KREMEN1: variants seen among roughly 807,000 people sequenced by gnomAD.
KREMEN1 encodes the protein kremen protein 1.
In KREMEN1, 30 loss-of-function variants were observed where a neutral mutation model predicts 46.5. That is an observed-to-expected ratio of 0.65 (90% CI 0.48 to 0.88). The LOEUF (loss-of-function observed/expected upper bound fraction) is 0.88. Ranked by LOEUF, KREMEN1 falls within the 40% of genes least tolerant of loss-of-function variation. The pLI is 0.00. For missense variants in KREMEN1, 533 were observed against 596.9 expected (o/e 0.89, Z 1.11); for synonymous variants, 214 against 230.6 (o/e 0.93, Z 0.65).
intron 1 of KREMEN1, among the ~76,000 whole-genome samples, chr22:29,076,378 A>G (rs2037570023): frequency 6.6e-6 from 1 of 152,152 alleles, no homozygotes; most frequent in African/African-American, 2.4e-5. Flanking sequence ...TCTCTTGGGG[A>G]CTTCATTAAT....
chr22:29,125,343 C>A lies in KREMEN1; in HGVS notation c.558C>A (p.Thr186=), dbSNP rs368284178. The change falls in exon 5 of 9, where the codon ACC becomes ACA. Residue 186 remains threonine, a synonymous_variant. Coordinates refer to ENST00000400335, the MANE Select transcript of KREMEN1 (RefSeq NM_001039570.3). ...GGAAGTACGGGGAGGCAGCCAGTAC[C>A]GAATGCAACAGCGTCTGCTTCGGGG... ...DYWKYGEAAS[T]ECNSVCFGDH... is the part of the protein sequence containing the mutation. 16 of 1,614,154 alleles carry A rather than the reference C, an allele frequency of 9.9e-6. No homozygotes were observed. In the African/African-American group the frequency reaches 1.5e-4, roughly 15 times the overall value.
chr22:29,135,575 G>T (rs972490539), intron 5 of KREMEN1, among the ~76,000 whole-genome samples: 1 of 152,204 alleles, frequency 6.6e-6, no homozygotes, highest in Non-Finnish European at 1.5e-5. Flanking sequence ...GGGGGACTGT[G>T]GTCTGCTGGC....
intron 2 of KREMEN1, among the ~76,000 whole-genome samples, chr22:29,096,418 C>A (rs1357064050): frequency 6.6e-6 from 1 of 152,052 alleles, no homozygotes; most frequent in African/African-American, 2.4e-5. Context: ...AAAAATTTTT[C>A]TTTCTTGTGG....
chr22:29,084,537 G>A (rs2037702953), intron 1 of KREMEN1, among the ~76,000 whole-genome samples: 1 of 152,186 alleles, frequency 6.6e-6, no homozygotes, highest in Non-Finnish European at 1.5e-5. Context: ...TTTCCAGGGG[G>A]CCCTGCCTGG....
chr22:29,073,902 A>G lies in KREMEN1; in HGVS notation c.97+675A>G, dbSNP rs528151810. ...CTTGCACCGGGACGACTCCCCCGCT[A>G]CAAGAGGCTATACGCCCCTCTCCGA... On this transcript the variant is annotated intron_variant, in intron 1 of 8. Coordinates refer to ENST00000400335, the MANE Select transcript of KREMEN1 (RefSeq NM_001039570.3). This position sits in a 1 kb window ranked among gnomAD's most constrained non-coding sequence, Gnocchi z 4.4. Among the ~76,000 whole-genome samples, 20 of 151,820 alleles carry G rather than the reference A, an allele frequency of 1.3e-4. No homozygotes were observed. The highest frequency in any genetic ancestry group is 8.3e-4 in the South Asian group (4 of 4,808).
chr22:29,145,254 G>T lies in KREMEN1; in HGVS notation c.*3142G>T, dbSNP rs1033382130. On this transcript the variant is annotated 3_prime_UTR_variant, in exon 9 of 9. Transcript: ENST00000400335. Reference sequence around the variant, plus strand: ...GGAAACTCCTTAGATGAGATAAAGTGGGGGTTGGAGGTGGCGAAAAGAGGG... The same window carrying T: ...GGAAACTCCTTAGATGAGATAAAGTTGGGGTTGGAGGTGGCGAAAAGAGGG... The T allele has an allele frequency of 1.0e-6, 1 of 985,588 alleles. No individual in the cohort carries two copies. The highest frequency in any genetic ancestry group is 1.2e-6 in the Non-Finnish European group (1 of 829,990). The allele number at this position is 985,588 out of a possible 1,614,324, so 61.1% of individuals were successfully genotyped here.
At chr22:29,084,044 A>G (rs2037696589) in intron 1 of KREMEN1, among the ~76,000 whole-genome samples, 1 of 152,126 alleles carries the variant, frequency 6.6e-6, no homozygotes, top group South Asian at 2.1e-4. Flanking sequence ...AGGTCCCGGA[A>G]CTGAGGGATC....
chr22:29,073,295 C>G lies in KREMEN1; in HGVS notation c.97+68C>G, dbSNP rs907287567. On this transcript the variant is annotated intron_variant, in intron 1 of 8. Coordinates refer to ENST00000400335, the MANE Select transcript of KREMEN1 (RefSeq NM_001039570.3). The surrounding 1 kb of genome is among the most constrained non-coding windows in gnomAD (Gnocchi z 4.4). ...CACTCGAGGGGCGACAAGGGCCGGC[C>G]GGCCTGAGAGCCCCCTCCCTCCCGC... 1.6e-6 allele frequency: 1 copy of G among 639,668 alleles called. No homozygotes were observed. The highest frequency in any genetic ancestry group is 2.1e-6 in the Non-Finnish European group (1 of 475,256). 39.6% of individuals were successfully genotyped at this position (639,668 alleles called of 1,614,324 possible).
At chr22:29,088,335 A>ACACG (rs1432357152) in intron 1 of KREMEN1, among the ~76,000 whole-genome samples, 4 of 148,774 alleles carry the variant, frequency 2.7e-5, no homozygotes, top group Admixed American at 2.7e-4. Flanking sequence ...ACACACGCAC[A>ACACG]CACATATTTT....
At chr22:29,085,814 T>TA (rs2037719411) in intron 1 of KREMEN1, among the ~76,000 whole-genome samples, 1 of 151,964 alleles carries the variant, frequency 6.6e-6, no homozygotes, top group Non-Finnish European at 1.5e-5. Context: ...CTACAAAAAA[T>TA]TAAAAAATTA....
Position 29,141,875 on chromosome 22 carries a change from T to C in KREMEN1, c.1209-69T>C, listed in dbSNP as rs993757134. The C allele has an allele frequency of 2.8e-5, 35 of 1,265,298 alleles. No individual in the cohort carries two copies. The South Asian group carries it at 5.1e-4, about 18-fold the overall frequency. 78.4% of individuals were successfully genotyped at this position (1,265,298 alleles called of 1,614,324 possible). A position where few individuals can be genotyped will look rare whatever the true frequency, so the allele number is the denominator to read the frequency against. Reference sequence around the variant, plus strand: ...GCCCCACCCCATTTCATAGATACAGTATCTCGTGAGATGGTAGGTTGTTTG... The same window carrying C: ...GCCCCACCCCATTTCATAGATACAGCATCTCGTGAGATGGTAGGTTGTTTG... On this transcript the variant is annotated intron_variant, in intron 8 of 8. Coordinates refer to ENST00000400335, the MANE Select transcript of KREMEN1 (RefSeq NM_001039570.3).
At chr22:29,092,545 C>A (rs143655679) in intron 1 of KREMEN1, among the ~76,000 whole-genome samples, 6 of 152,330 alleles carry the variant, frequency 3.9e-5, no homozygotes, top group African/African-American at 1.4e-4. Flanking sequence ...GCATTTTATG[C>A]GACACTGAAC....
At chr22:29,157,816 A>G (rs1276272372) in intron 9 of KREMEN1, among the ~76,000 whole-genome samples, 1 of 152,188 alleles carries the variant, frequency 6.6e-6, no homozygotes, top group Non-Finnish European at 1.5e-5. Flanking sequence ...TCTAAGGGAG[A>G]CTACAAAGTA....
rs1569338295 is a variant in KREMEN1, at chr22:29,144,643, G to A, written c.*2531G>A. The A allele has an allele frequency of 3.0e-6, 3 of 985,506 alleles. No homozygotes were observed. In the East Asian group the frequency reaches 3.4e-4, roughly 112 times the overall value. The allele number at this position is 985,506 out of a possible 1,614,324, so 61.0% of individuals were successfully genotyped here. On this transcript the variant is annotated 3_prime_UTR_variant, in exon 9 of 9. Coordinates refer to ENST00000400335, the MANE Select transcript of KREMEN1 (RefSeq NM_001039570.3). ...GTGTCAGGTGTGTGTCGTCCCAACG[G>A]GTCCTGTGCTGTGAATAGATCCATG...
In KREMEN1 at chr22:29,142,656, G is replaced by A; in HGVS notation, c.*544G>A. The A allele has an allele frequency of 1.0e-6, 1 of 985,564 alleles. No individual in the cohort carries two copies. The highest frequency in any genetic ancestry group is 1.2e-6 in the Non-Finnish European group (1 of 830,014). 61.1% of individuals were successfully genotyped at this position (985,564 alleles called of 1,614,324 possible). ...ACATTAGCGAGGTGTAAAGAGGGCA[G>A]TGTCTGTGCTGCCCCGGCAGCTTTG... On this transcript the variant is annotated 3_prime_UTR_variant, in exon 9 of 9. Coordinates refer to ENST00000400335, the MANE Select transcript of KREMEN1 (RefSeq NM_001039570.3).
At chr22:29,090,167 A>G (rs1284850839) in intron 1 of KREMEN1, among the ~76,000 whole-genome samples, 6 of 152,264 alleles carry the variant, frequency 3.9e-5, no homozygotes, top group Non-Finnish European at 7.3e-5. Context: ...CCTAGACATT[A>G]GATCTCTTGC....
intron 4 of KREMEN1, among the ~76,000 whole-genome samples, chr22:29,123,952 A>G (rs2038399228): frequency 6.6e-6 from 1 of 152,220 alleles, no homozygotes; most frequent in South Asian, 2.1e-4. Context: ...ATACAGAGCA[A>G]CTGGGACTTT....
chr22:29,144,095 C>A lies in KREMEN1; in HGVS notation c.*1983C>A. The A allele has an allele frequency of 2.0e-6, 2 of 985,520 alleles. No individual in the cohort carries two copies. The highest frequency in any genetic ancestry group is 2.4e-6 in the Non-Finnish European group (2 of 829,982). 61.0% of individuals were successfully genotyped at this position (985,520 alleles called of 1,614,324 possible). A position where few individuals can be genotyped will look rare whatever the true frequency, so the allele number is the denominator to read the frequency against. Reference sequence around the variant, plus strand: ...GTGCCTCTGCTGGCCAGGCCTAGGCCCTCGTCAGAGCGTGCCTCTCCACAA... The same window carrying A: ...GTGCCTCTGCTGGCCAGGCCTAGGCACTCGTCAGAGCGTGCCTCTCCACAA... On this transcript the variant is annotated 3_prime_UTR_variant, in exon 9 of 9. Transcript: ENST00000400335.
intron 5 of KREMEN1, chr22:29,133,934 T>C (rs1048876270): frequency 6.6e-6 from 1 of 152,222 alleles, no homozygotes; most frequent in Non-Finnish European, 1.5e-5. Flanking sequence ...GGATAATTTC[T>C]ATTGACCTGT....
Sources: allele counts gnomAD v4.1 joint callset (sites outside exome capture counted in the v4.1 genomes callset), GRCh38; gene constraint gnomAD v4.1.1; non-coding constraint Gnocchi (gnomAD v3.1); transcripts MANE v1.5; gene names NCBI Gene and HGNC (gene_info 2026-07-23, HGNC 2026-07-21).